The following SORCS3 variants were observed in gnomAD, a reference collection of about 807,000 sequenced individuals.
The protein encoded by SORCS3 is sortilin related VPS10 domain containing receptor 3.
In SORCS3, 57 loss-of-function variants were observed where a neutral mutation model predicts 146.3. The ratio of observed to expected loss-of-function variants is 0.39; its 90% CI spans 0.31 to 0.49. The LOEUF (loss-of-function observed/expected upper bound fraction) is 0.49. SORCS3 is among the 20% of genes least tolerant of loss of function. SORCS3 has a pLI of 0.92. For synonymous variants in SORCS3, 653 were observed against 618.5 expected (o/e 1.06, Z -0.83); for missense variants, 1,341 against 1,575.5 (o/e 0.85, Z 2.52).
intron 1 of SORCS3, among the ~76,000 whole-genome samples, chr10:104,687,334 T>C (rs771537084): frequency 5.9e-5 from 9 of 152,152 alleles, no homozygotes; most frequent in Admixed American, 2.0e-4. Flanking sequence ...GCTCCTTACC[T>C]CTTGCAGCTG....
chr10:104,725,789 A>G (rs2016622820), intron 1 of SORCS3, among the ~76,000 whole-genome samples: 1 of 152,204 alleles, frequency 6.6e-6, no homozygotes, highest in Non-Finnish European at 1.5e-5. Context: ...CGCGGGATAT[A>G]ATCTCCTGGT....
chr10:105,010,471 A>T (rs530003163), intron 4 of SORCS3, among the ~76,000 whole-genome samples: 57 of 152,366 alleles, frequency 3.7e-4, no homozygotes, highest in African/African-American at 1.3e-3. Flanking sequence ...ACTGGCCATT[A>T]ACCAAGATCA....
chr10:105,254,344 G>C (rs2056918192), intron 23 of SORCS3, among the ~76,000 whole-genome samples: 2 of 152,288 alleles, frequency 1.3e-5, no homozygotes, highest in South Asian at 4.1e-4. Flanking sequence ...TCTTTTTAGA[G>C]GGTTATAAAG....
chr10:104,697,307 G>A (rs918521182), intron 1 of SORCS3, among the ~76,000 whole-genome samples: 1 of 152,174 alleles, frequency 6.6e-6, no homozygotes, highest in Non-Finnish European at 1.5e-5. Flanking sequence ...TGCACAGTAG[G>A]TGTGGAGTCA....
At chr10:105,186,884 CAAAA>C (rs35043705) in intron 14 of SORCS3, among the ~76,000 whole-genome samples, 6 of 101,476 alleles carry the variant, frequency 5.9e-5, no homozygotes, top group Non-Finnish European at 8.2e-5. Context: ...GACTCCATCT[CAAAA>C]AAAAAAAAAA....
At chr10:104,973,778 T>G (rs1394408987) in intron 3 of SORCS3, among the ~76,000 whole-genome samples, 1 of 146,196 alleles carries the variant, frequency 6.8e-6, no homozygotes, top group Non-Finnish European at 1.5e-5. Context: ...GTTCTTTTAA[T>G]TGTGATGTTA....
intron 4 of SORCS3, among the ~76,000 whole-genome samples, chr10:104,983,646 T>C (rs1430469494): frequency 6.6e-6 from 1 of 152,092 alleles, no homozygotes; most frequent in Non-Finnish European, 1.5e-5. Flanking sequence ...TTTATGTACG[T>C]GCTGTTTTTT....
At position 104,844,772 on chromosome 10, in the gene SORCS3, C is replaced by T. The variant is rs189637446; in HGVS notation, c.695+1913C>T. 2.9e-4 allele frequency among the ~76,000 whole-genome samples: 44 copies of T among 152,256 alleles called. 1 individual carries two copies. Among genetic ancestry groups the T allele is most frequent in the Admixed American group, 2.9e-3 (44 of 15,290 alleles). On this transcript the variant is annotated intron_variant, in intron 2 of 26. Transcript: ENST00000369701. ...GCCCAGAAGTCTGAAATCAAGGTGT[C>T]GTCAGGGCTGTGTTCCTTCTGAAGG...
intron 5 of SORCS3, among the ~76,000 whole-genome samples, chr10:105,086,913 A>G (rs2055664820): frequency 6.6e-6 from 1 of 152,190 alleles, no homozygotes. Context: ...TCTTTAGGTT[A>G]ATTAGATCCC....
intron 14 of SORCS3, among the ~76,000 whole-genome samples, chr10:105,186,726 A>G (rs977433753): frequency 6.6e-6 from 1 of 151,956 alleles, no homozygotes; most frequent in Non-Finnish European, 1.5e-5. Flanking sequence ...CTACTAAAAA[A>G]TACAAAAATT....
At chr10:104,960,402 T>G (rs1421877414) in intron 3 of SORCS3, among the ~76,000 whole-genome samples, 1 of 152,128 alleles carries the variant, frequency 6.6e-6, no homozygotes, top group Non-Finnish European at 1.5e-5. Context: ...GATTCATTTC[T>G]CATAGTTCTG....
intron 14 of SORCS3, among the ~76,000 whole-genome samples, chr10:105,193,886 G>T (rs971746234): frequency 6.6e-6 from 1 of 152,080 alleles, no homozygotes; most frequent in Non-Finnish European, 1.5e-5. Flanking sequence ...AGAATCAGAG[G>T]AGTTTTAGAA....
intron 1 of SORCS3, among the ~76,000 whole-genome samples, chr10:104,784,603 T>C (rs2017411039): frequency 6.6e-6 from 1 of 152,190 alleles, no homozygotes; most frequent in South Asian, 2.1e-4. Flanking sequence ...TGAGTTCTCC[T>C]TCAAGTGCAG....
chr10:105,048,935 T>A (rs2055392842), intron 5 of SORCS3, among the ~76,000 whole-genome samples: 2 of 152,120 alleles, frequency 1.3e-5, no homozygotes, highest in South Asian at 4.1e-4. Flanking sequence ...TTGTGCAATA[T>A]CTTATTACAC....
chr10:104,856,782 T>C (rs980856340), intron 2 of SORCS3, among the ~76,000 whole-genome samples: 10 of 144,552 alleles, frequency 6.9e-5, no homozygotes, highest in African/African-American at 2.5e-4. Flanking sequence ...TATATAAAAA[T>C]ATATTAGTAT....
chr10:104,952,703 C>G (rs900896828), intron 3 of SORCS3, among the ~76,000 whole-genome samples: 3 of 152,130 alleles, frequency 2.0e-5, no homozygotes, highest in African/African-American at 7.2e-5. Flanking sequence ...GCTCCTCCAG[C>G]CTAAATGCAT....
chr10:105,075,247 G>A (rs2055581376), intron 5 of SORCS3, among the ~76,000 whole-genome samples: 1 of 152,160 alleles, frequency 6.6e-6, no homozygotes, highest in Admixed American at 6.5e-5. Flanking sequence ...CAGAGCCCAG[G>A]GTGAGTCTCA....
intron 5 of SORCS3, among the ~76,000 whole-genome samples, chr10:105,067,088 AT>A (rs1271021166): frequency 1.3e-5 from 2 of 152,120 alleles, no homozygotes; most frequent in South Asian, 4.2e-4. Context: ...CTATCTTCAA[AT>A]TTCTTATTCT....
At chr10:105,062,581 C>T (rs1043540866) in intron 5 of SORCS3, among the ~76,000 whole-genome samples, 4 of 152,044 alleles carry the variant, frequency 2.6e-5, no homozygotes, top group South Asian at 2.1e-4. Flanking sequence ...AGTATTTCAG[C>T]GGTTGGAGAG....
Sources: allele counts gnomAD v4.1 joint callset (sites outside exome capture counted in the v4.1 genomes callset), GRCh38; gene constraint gnomAD v4.1.1; transcripts MANE v1.5; gene names NCBI Gene and HGNC (gene_info 2026-07-23, HGNC 2026-07-21).